UBE3D: variants seen among roughly 807,000 people sequenced by gnomAD.
UBE3D encodes ubiquitin protein ligase E3D.
A neutral mutation model predicts 49.6 loss-of-function variants in UBE3D; 48 were observed. The observed-to-expected ratio is 0.97, with a 90% CI of 0.77 to 1.23. UBE3D has a LOEUF of 1.23. Ranked by LOEUF, UBE3D falls within the 50% of genes most tolerant of loss-of-function variation. The pLI is 0.00. For missense variants in UBE3D, 452 were observed against 468.4 expected (o/e 0.96, Z 0.32); for synonymous variants, 189 against 174.2 (o/e 1.08, Z -0.67).
chr6:83,039,050 A>G (rs1782464711), intron 4 of UBE3D, among the ~76,000 whole-genome samples: 1 of 152,264 alleles, frequency 6.6e-6, no homozygotes, highest in African/African-American at 2.4e-5. Flanking sequence ...GCTCTGGGAC[A>G]ATTCCTGAAA....
intron 8 of UBE3D, among the ~76,000 whole-genome samples, chr6:82,963,352 G>A (rs973277489): frequency 6.6e-6 from 1 of 152,148 alleles, no homozygotes. Context: ...GGTGTCATTT[G>A]CAACTCTGCC....
chr6:82,918,551 G>A (rs1294570147), intron 9 of UBE3D, among the ~76,000 whole-genome samples: 1 of 152,042 alleles, frequency 6.6e-6, no homozygotes, highest in East Asian at 1.9e-4. Context: ...AAAATACCAT[G>A]GAAAATAGAA....
intron 3 of UBE3D, among the ~76,000 whole-genome samples, chr6:83,049,986 C>T (rs941098831): frequency 2.6e-5 from 4 of 152,050 alleles, no homozygotes; most frequent in African/African-American, 9.7e-5. Flanking sequence ...TACATTCACA[C>T]AAATTTTATA....
chr6:82,927,543 T>A (rs1205851514), intron 9 of UBE3D, among the ~76,000 whole-genome samples: 2 of 152,114 alleles, frequency 1.3e-5, no homozygotes, highest in African/African-American at 4.8e-5. Context: ...ATTTCTTTCA[T>A]CAGAGTTTTA....
rs537745977 is a variant in UBE3D at position 82,982,089 on chromosome 6, T to C, written c.1011-24639A>G. On this transcript the variant is annotated intron_variant, in intron 8 of 9. Coordinates refer to ENST00000369747, the MANE Select transcript of UBE3D (RefSeq NM_198920.3). The stretch of plus-strand genomic sequence containing the variant: ...AGTTTTATCAAAAATTTCAAACATA[T>C]ACAAAAGTATAAATCACAGAGTAAT... Among the ~76,000 whole-genome samples, 16 of 152,272 alleles carry C rather than the reference T, an allele frequency of 1.1e-4. No homozygotes were observed. In the South Asian group the frequency reaches 1.9e-3, roughly 18 times the overall value.
chr6:82,979,826 T>A (rs1038495344), intron 8 of UBE3D, among the ~76,000 whole-genome samples: 2 of 152,114 alleles, frequency 1.3e-5, no homozygotes, highest in African/African-American at 4.8e-5. Context: ...CTCCCACTTG[T>A]AAGTAAGAAC....
At chr6:83,011,276 C>A (rs1031024384) in intron 8 of UBE3D, among the ~76,000 whole-genome samples, 1 of 152,164 alleles carries the variant, frequency 6.6e-6, no homozygotes, top group Non-Finnish European at 1.5e-5. Flanking sequence ...GAAATACTCA[C>A]GACACTTACA....
At chr6:82,930,617 A>G (rs1259002997) in intron 9 of UBE3D, among the ~76,000 whole-genome samples, 1 of 152,054 alleles carries the variant, frequency 6.6e-6, no homozygotes, top group African/African-American at 2.4e-5. Flanking sequence ...AAGATGAGGA[A>G]CTTCTTGGTA....
rs141580258 is a variant in UBE3D, at chr6:82,958,748, C to A, written c.1011-1298G>T. ...TAGGCTCTTCAGCTGGATCTGGGAGCCAAACTGACACCAGGCAGATTAACA... is the reference window on the plus strand; with the variant it reads ...TAGGCTCTTCAGCTGGATCTGGGAGACAAACTGACACCAGGCAGATTAACA... On this transcript the variant is annotated intron_variant, in intron 8 of 9. Transcript: ENST00000369747. Among the ~76,000 whole-genome samples, 56 of 152,246 alleles carry A rather than the reference C, an allele frequency of 3.7e-4. No homozygotes were observed. In the East Asian group the frequency reaches 9.3e-3, roughly 25 times the overall value.
intron 8 of UBE3D, among the ~76,000 whole-genome samples, chr6:82,997,934 T>C (rs192135056): frequency 1.7e-3 from 260 of 149,204 alleles, no homozygotes; most frequent in African/African-American, 6.2e-3. Flanking sequence ...GAGAATGCCT[T>C]CACCATTTAC....
intron 8 of UBE3D, among the ~76,000 whole-genome samples, chr6:82,978,905 G>A (rs1370933878): frequency 6.6e-6 from 1 of 151,900 alleles, no homozygotes; most frequent in Non-Finnish European, 1.5e-5. Flanking sequence ...AGGTCATTTC[G>A]ACCCATTTTG....
chr6:82,911,834 T>TTATC, intron 9 of UBE3D, among the ~76,000 whole-genome samples: 1 of 152,296 alleles, frequency 6.6e-6, no homozygotes. Flanking sequence ...GAGGAGCTGA[T>TTATC]TATCTACCCT....
downstream of UBE3D, among the ~76,000 whole-genome samples, chr6:82,891,840 A>G (rs1043167200): frequency 7.9e-5 from 12 of 152,304 alleles, no homozygotes; most frequent in African/African-American, 2.9e-4. Flanking sequence ...AGCCTGGCCA[A>G]TATGGCAAAA....
intron 8 of UBE3D, among the ~76,000 whole-genome samples, chr6:83,000,171 C>T (rs1342180323): frequency 1.3e-5 from 2 of 152,144 alleles, no homozygotes; most frequent in African/African-American, 4.8e-5. Context: ...ATGCCATTGG[C>T]TTCAATTACA....
At chr6:83,038,314 A>G in intron 5 of UBE3D, 102 bp downstream of exon 5, 1 of 944,664 alleles carries the variant, frequency 1.1e-6, no homozygotes, top group South Asian at 1.5e-5. Flanking sequence ...ATTCCACAAC[A>G]TATATTAATC....
At chr6:82,944,759 G>A (rs890692441) in intron 9 of UBE3D, among the ~76,000 whole-genome samples, 3 of 152,150 alleles carry the variant, frequency 2.0e-5, no homozygotes, top group African/African-American at 4.8e-5. Flanking sequence ...TCCCAGTCTG[G>A]CAGAATTCAC....
chr6:82,989,471 A>T (rs1265189593), intron 8 of UBE3D, among the ~76,000 whole-genome samples: 1 of 152,118 alleles, frequency 6.6e-6, no homozygotes, highest in Non-Finnish European at 1.5e-5. Context: ...TTCAGAAGTA[A>T]AGGTCAGCAA....
chr6:82,937,363 A>G (rs1041513037), intron 9 of UBE3D, among the ~76,000 whole-genome samples: 17 of 152,132 alleles, frequency 1.1e-4, no homozygotes, highest in African/African-American at 3.9e-4. Flanking sequence ...AAACACACAA[A>G]AAAAGCTCCT....
chr6:82,995,614 T>C (rs540108759), intron 8 of UBE3D, among the ~76,000 whole-genome samples: 1 of 151,954 alleles, frequency 6.6e-6, no homozygotes, highest in African/African-American at 2.4e-5. Flanking sequence ...TCAACCACAC[T>C]AGTAATCAGA....
Sources: gnomAD v4.1 joint callset for allele counts (sites outside exome capture counted in the v4.1 genomes callset) on GRCh38, gnomAD v4.1.1 for gene constraint, MANE v1.5 for transcripts, NCBI Gene and HGNC (gene_info 2026-07-23, HGNC 2026-07-21) for gene names.